AFF4: variants seen among roughly 807,000 people sequenced by gnomAD.
The protein encoded by AFF4 is AF4/FMR2 family member 4.
A neutral mutation model predicts 124.8 loss-of-function variants in AFF4; 13 were observed. The ratio of observed to expected loss-of-function variants is 0.10; its 90% CI spans 0.07 to 0.17. The LOEUF (loss-of-function observed/expected upper bound fraction) is 0.17. AFF4 is among the 10% of genes least tolerant of loss of function. The pLI is 1.00. For synonymous variants in AFF4, 477 were observed against 496.1 expected (o/e 0.96, Z 0.51); for missense variants, 1,092 against 1,403.8 (o/e 0.78, Z 3.55).
At chr5:132,950,122 G>C (rs1340973856) in intron 1 of AFF4, among the ~76,000 whole-genome samples, 1 of 152,106 alleles carries the variant, frequency 6.6e-6, no homozygotes, top group African/African-American at 2.4e-5. Flanking sequence ...ACGAGGTCAG[G>C]AGTTCAAGAC....
rs1368038246 is a variant in AFF4, at chr5:132,934,297, A to G, written c.768T>C (p.Tyr256=). The G allele has an allele frequency of 6.2e-7, 1 of 1,614,218 alleles. No individual in the cohort carries two copies. The highest frequency in any genetic ancestry group is 1.7e-5 in the Admixed American group (1 of 60,018). ...ACTCCTGTCCGTCCATGGGCCGCAC[A>G]TAGGCAGTGGGTTTCTGTAACATTG... is the stretch of plus-strand genomic sequence containing the variant. The part of the protein sequence containing the change: ...SNSMLQKPTA[Y]VRPMDGQESM... The change falls in exon 3 of 21, where the codon TAT becomes TAC. Residue 256 remains tyrosine, a synonymous_variant. Transcript: ENST00000265343.
intron 5 of AFF4, among the ~76,000 whole-genome samples, chr5:132,913,538 T>C (rs1173207308): frequency 6.6e-6 from 1 of 152,200 alleles, no homozygotes; most frequent in East Asian, 1.9e-4. Flanking sequence ...TGACCTCTTG[T>C]GCTCAGGCAA....
chr5:132,881,237 G>A (rs1265400071), intron 20 of AFF4, 51 bp from the exon 21 acceptor site: 3 of 1,580,044 alleles, frequency 1.9e-6, no homozygotes, highest in African/African-American at 2.7e-5. Context: ...TTGAATCACT[G>A]CTTTAAAACT....
intron 1 of AFF4, among the ~76,000 whole-genome samples, chr5:132,938,282 T>C (rs75892950): frequency 6.6e-6 from 1 of 151,960 alleles, no homozygotes; most frequent in Non-Finnish European, 1.5e-5. Flanking sequence ...TTTTTTTTTT[T>C]TGAAACAGAG....
At chr5:132,933,594 C>CT in intron 3 of AFF4, among the ~76,000 whole-genome samples, 1 of 152,170 alleles carries the variant, frequency 6.6e-6, no homozygotes, top group Middle Eastern at 3.4e-3. Context: ...TTCCAAAATG[C>CT]TTTGGTAAGC....
intron 9 of AFF4, 90 bp from the exon 10 acceptor site, chr5:132,898,482 C>G (rs1436354692): frequency 1.5e-6 from 2 of 1,360,192 alleles, no homozygotes; most frequent in East Asian, 2.4e-5. Context: ...TTCTTTTTTT[C>G]TTCTTGTCTT....
intron 4 of AFF4, among the ~76,000 whole-genome samples, chr5:132,929,105 G>A (rs984224644): frequency 1.3e-5 from 2 of 151,716 alleles, no homozygotes; most frequent in Non-Finnish European, 2.9e-5. Context: ...TTCATGATGG[G>A]GTTCCTAAAA....
intron 5 of AFF4, among the ~76,000 whole-genome samples, chr5:132,913,181 T>G (rs1231166399): frequency 1.3e-5 from 2 of 152,146 alleles, no homozygotes; most frequent in Non-Finnish European, 2.9e-5. Context: ...CAAAGAATAT[T>G]ATAAGATTTA....
intron 8 of AFF4, among the ~76,000 whole-genome samples, chr5:132,899,365 T>C (rs1760490207): frequency 6.6e-6 from 1 of 152,126 alleles, no homozygotes; most frequent in South Asian, 2.1e-4. Context: ...GCTTCATGAG[T>C]ATGTTTTGAT....
In AFF4 at chr5:132,899,039, T is replaced by A. The variant is rs983930903; in HGVS notation, c.1226+65A>T. ...TTTACTTATAAGGCCACTTATTATA[T>A]CCCTGCAATGTTATCAGGCTGACCC... On this transcript the variant is annotated intron_variant, in intron 9 of 20. Transcript: ENST00000265343. 3.3e-5 allele frequency: 46 copies of A among 1,388,824 alleles called. No individual in the cohort carries two copies. In the African/African-American group the frequency reaches 5.8e-4, roughly 17 times the overall value. The allele number at this position is 1,388,824 out of a possible 1,614,324, so 86.0% of individuals were successfully genotyped here.
chr5:132,916,490 AG>A (rs902709049), intron 5 of AFF4, among the ~76,000 whole-genome samples: 8 of 152,144 alleles, frequency 5.3e-5, no homozygotes, highest in African/African-American at 1.9e-4. Flanking sequence ...GAACAGAATC[AG>A]CATGAGAATA....
chr5:132,936,280 A>AG, intron 2 of AFF4, among the ~76,000 whole-genome samples: 1 of 151,346 alleles, frequency 6.6e-6, no homozygotes, highest in Admixed American at 6.6e-5. Flanking sequence ...AAAAAAAAAA[A>AG]AAAAAAAAAA....
chr5:132,951,494 C>G (rs1279514219), intron 1 of AFF4, among the ~76,000 whole-genome samples: 1 of 152,182 alleles, frequency 6.6e-6, no homozygotes, highest in East Asian at 1.9e-4. Context: ...AGACACTATT[C>G]TGATTTTGGT....
chr5:132,945,762 A>G (rs959251870), intron 1 of AFF4, among the ~76,000 whole-genome samples: 1 of 151,850 alleles, frequency 6.6e-6, no homozygotes, highest in African/African-American at 2.4e-5. Flanking sequence ...ATCTCAAAAT[A>G]AAAATAAAAA....
chr5:132,890,090 TG>T (rs1253270142), intron 13 of AFF4, among the ~76,000 whole-genome samples: 1 of 151,976 alleles, frequency 6.6e-6, no homozygotes, highest in Admixed American at 6.6e-5. Context: ...CAGGAATGCA[TG>T]GATGTTTCAA....
rs1554075345 is a variant in AFF4, at chr5:132,908,777, T to TATA, written c.1051-4374_1051-4373insTAT. Among the ~76,000 whole-genome samples, 276 of 77,538 alleles carry TATA rather than the reference T, an allele frequency of 3.6e-3. 2 individuals carry two copies. Among genetic ancestry groups the TATA allele is most frequent in the African/African-American group, 0.015 (260 of 16,804 alleles). 50.9% of individuals were successfully genotyped at this position (77,538 alleles called of 152,430 possible). A position where few individuals can be genotyped will look rare whatever the true frequency, so the allele number is the denominator to read the frequency against. ...ATATACATATATATATATATATATA[T>TATA]TTTTTTTTTTTGAGACGGAATCTAG... On this transcript the variant is annotated intron_variant, in intron 5 of 20. Coordinates refer to ENST00000265343, the MANE Select transcript of AFF4 (RefSeq NM_014423.4).
chr5:132,882,669 A>G (rs1489712646), intron 20 of AFF4, among the ~76,000 whole-genome samples: 3 of 152,006 alleles, frequency 2.0e-5, no homozygotes, highest in Non-Finnish European at 4.4e-5. Context: ...AGCCTGGTTC[A>G]CATGGTGAAA....
intron 5 of AFF4, among the ~76,000 whole-genome samples, chr5:132,908,605 C>A (rs1399081620): frequency 6.6e-6 from 1 of 151,146 alleles, no homozygotes; most frequent in African/African-American, 2.4e-5. Context: ...TTTTTCAGCT[C>A]TTTACAGTAT....
At chr5:132,918,616 G>C (rs752890291) in intron 5 of AFF4, among the ~76,000 whole-genome samples, 15 of 152,084 alleles carry the variant, frequency 9.9e-5, no homozygotes, top group Non-Finnish European at 2.2e-4. Flanking sequence ...GAGCACCACT[G>C]TACTCCAGCC....
Sources: gnomAD v4.1 joint callset for allele counts (sites outside exome capture counted in the v4.1 genomes callset) on GRCh38, gnomAD v4.1.1 for gene constraint, MANE v1.5 for transcripts, NCBI Gene and HGNC (gene_info 2026-07-23, HGNC 2026-07-21) for gene names.